Variants in AATF observed in about 807,000 individuals in gnomAD.
The protein encoded by AATF is protein AATF.
Under a neutral mutation model 63.7 loss-of-function variants are expected in AATF, and 48 were observed. The ratio of observed to expected loss-of-function variants is 0.75; its 90% CI spans 0.60 to 0.96. AATF has a LOEUF of 0.96. Among genes scored for constraint, AATF ranks in the 40% least tolerant of loss-of-function variants. AATF has a pLI of 0.00. For synonymous variants in AATF, 258 were observed against 247.7 expected, an observed-to-expected ratio of 1.04 and a Z score of -0.39; for missense variants, 639 against 685.7, an observed-to-expected ratio of 0.93 and a Z score of 0.76.
chr17:36,980,257 G>C (rs2071111912), intron 4 of AATF: 1 of 152,154 alleles, frequency 6.6e-6, no homozygotes, highest in Admixed American at 6.5e-5. Context: ...GTAAAGTACT[G>C]TTTACATTTA....
Position 36,955,510 on chromosome 17 carries a change from T to C in AATF, c.832+1603T>C, listed in dbSNP as rs532404603. ...GACAGATTGATGGTTTTCAAGTTTT[T>C]TGAGATTTTTGGAGCACTTCTCTGC... On this transcript the variant is annotated intron_variant, in intron 4 of 11. Coordinates refer to ENST00000619387, the MANE Select transcript of AATF (RefSeq NM_012138.4). Among the ~76,000 whole-genome samples the C allele has an allele frequency of 2.0e-5, 3 of 152,312 alleles. No individual in the cohort carries two copies. In the East Asian group the frequency reaches 5.8e-4, roughly 29 times the overall value.
intron 8 of AATF, 83 bp from the exon 9 acceptor site, chr17:37,018,922 A>T: frequency 8.8e-7 from 1 of 1,131,886 alleles, no homozygotes; most frequent in Non-Finnish European, 1.3e-6. Flanking sequence ...TCACTATGCC[A>T]TTCAGAATTC....
chr17:37,022,415 A>G (rs2071479722), intron 10 of AATF, among the ~76,000 whole-genome samples: 2 of 152,186 alleles, frequency 1.3e-5, no homozygotes, highest in African/African-American at 4.8e-5. Flanking sequence ...GGAAATGCTG[A>G]TTTTTCTTTA....
chr17:37,019,963 A>T (rs184064113), intron 9 of AATF, among the ~76,000 whole-genome samples: 3 of 152,300 alleles, frequency 2.0e-5, no homozygotes, highest in African/African-American at 7.2e-5. Flanking sequence ...TATGGTAATT[A>T]AGATTATATT....
intron 8 of AATF, 95 bp from the exon 9 acceptor site, chr17:37,018,910 T>C: frequency 1.0e-6 from 1 of 972,228 alleles, no homozygotes; most frequent in Non-Finnish European, 1.7e-6. Flanking sequence ...GTTTTAGAGC[T>C]GTCACTATGC....
At chr17:36,950,053 GAC>G (rs1567961338) in intron 1 of AATF, among the ~76,000 whole-genome samples, 159 bp from the exon 2 acceptor site, 1 of 152,254 alleles carries the variant, frequency 6.6e-6, no homozygotes, top group Non-Finnish European at 1.5e-5. Context: ...ACAGCAGTAA[GAC>G]AGTGTTCTAC....
At chr17:36,991,974 A>G (rs2071219195) in intron 8 of AATF, among the ~76,000 whole-genome samples, 1 of 152,130 alleles carries the variant, frequency 6.6e-6, no homozygotes, top group Non-Finnish European at 1.5e-5. Context: ...GCAGTGATAT[A>G]CCAGTTATTG....
At position 36,986,688 on chromosome 17, in the gene AATF, G is replaced by C; in HGVS notation, c.904G>C (p.Asp302His). The change falls in exon 5 of 12, where the codon GAC becomes CAC. Residue 302 changes from aspartate to histidine, a missense_variant. Transcript: ENST00000619387. ...LQEELLFQYP[D>H]TRYLVDGTKP... ...GGAAGAGTTGCTTTTCCAGTACCCA[G>C]ACACTAGATATCTAGTAGATGGGAC... 6.2e-7 allele frequency: 1 copy of C among 1,614,108 alleles called. No homozygotes were observed.
At chr17:37,034,192 G>A (rs928027592) in intron 11 of AATF, among the ~76,000 whole-genome samples, 1 of 152,188 alleles carries the variant, frequency 6.6e-6, no homozygotes, top group Non-Finnish European at 1.5e-5. Flanking sequence ...CCTAAGGATA[G>A]GGAGACGTGT....
chr17:36,969,471 TG>T (rs1271586594), intron 4 of AATF, among the ~76,000 whole-genome samples: 4 of 152,212 alleles, frequency 2.6e-5, no homozygotes, highest in East Asian at 1.9e-4. Context: ...CTGCTCCACT[TG>T]TTTTTAGGCC....
At chr17:36,973,219 A>G (rs2071053404) in intron 4 of AATF, among the ~76,000 whole-genome samples, 2 of 152,226 alleles carry the variant, frequency 1.3e-5, no homozygotes, top group South Asian at 4.1e-4. Flanking sequence ...GGAACAAATT[A>G]TTCAAAAGAG....
At chr17:37,044,807 G>A (rs970645518) in intron 11 of AATF, among the ~76,000 whole-genome samples, 5 of 152,108 alleles carry the variant, frequency 3.3e-5, no homozygotes, top group African/African-American at 9.7e-5. Flanking sequence ...AGCATAGTTC[G>A]TGTCGGTGCT....
intron 3 of AATF, 27 bp from the exon 4 acceptor site, chr17:36,953,743 A>C: frequency 6.2e-7 from 1 of 1,603,406 alleles, no homozygotes; most frequent in Non-Finnish European, 8.5e-7. Flanking sequence ...ATTATTGAGG[A>C]ATGGGATTCT....
intron 8 of AATF, among the ~76,000 whole-genome samples, chr17:37,002,703 A>G (rs932194800): frequency 6.6e-6 from 1 of 151,992 alleles, no homozygotes; most frequent in East Asian, 1.9e-4. Flanking sequence ...ATAATAAAAT[A>G]CCTAGGAATA....
At chr17:36,954,671 A>G (rs751467846) in intron 4 of AATF, among the ~76,000 whole-genome samples, 3 of 152,228 alleles carry the variant, frequency 2.0e-5, no homozygotes, top group Non-Finnish European at 4.4e-5. Context: ...TTGAGAGACT[A>G]TTTGGTTCCC....
intron 4 of AATF, among the ~76,000 whole-genome samples, chr17:36,976,260 T>G (rs76741968): frequency 6.6e-6 from 1 of 152,212 alleles, no homozygotes; most frequent in East Asian, 1.9e-4. Context: ...TTTAAGCTTA[T>G]AGTAGTGTTT....
intron 11 of AATF, chr17:37,045,593 G>T (rs188086443): frequency 8.5e-5 from 13 of 152,378 alleles, no homozygotes; most frequent in Non-Finnish European, 1.5e-4. Flanking sequence ...TAAGAAAGAA[G>T]AAATCAATAC....
chr17:36,982,641 C>T (rs1050429582), intron 4 of AATF, among the ~76,000 whole-genome samples: 11 of 152,120 alleles, frequency 7.2e-5, no homozygotes, highest in Admixed American at 5.9e-4. Flanking sequence ...CGTGAGCCAC[C>T]GCGCCCAGCC....
At chr17:37,034,352 G>A (rs2071574095) in intron 11 of AATF, among the ~76,000 whole-genome samples, 1 of 152,104 alleles carries the variant, frequency 6.6e-6, no homozygotes, top group Non-Finnish European at 1.5e-5. Context: ...AGTAGTAATA[G>A]CTTATCCTCC....
Sources: allele counts gnomAD v4.1 joint callset (sites outside exome capture counted in the v4.1 genomes callset), GRCh38; gene constraint gnomAD v4.1.1; transcripts MANE v1.5; gene names NCBI Gene and HGNC (gene_info 2026-07-23, HGNC 2026-07-21).